PCDHGA2: variants seen among roughly 807,000 people sequenced by gnomAD.
The protein encoded by PCDHGA2 is protocadherin gamma-A2.
A neutral mutation model predicts 59.2 loss-of-function variants in PCDHGA2; 40 were observed. The ratio of observed to expected loss-of-function variants is 0.68; its 90% confidence interval spans 0.52 to 0.88. The LOEUF is 0.88. PCDHGA2 is among the 40% of genes least tolerant of loss of function. The pLI is 0.00. For synonymous variants in PCDHGA2, 560 were observed against 526.0 expected, an observed-to-expected ratio of 1.06 and a Z score of -0.89; for missense variants, 1,226 against 1,204.0, an observed-to-expected ratio of 1.02 and a Z score of -0.27.
At chr5:141,445,573 A>G (rs1311326050) in intron 1 of PCDHGA2, among the ~76,000 whole-genome samples, 1 of 152,248 alleles carries the variant, frequency 6.6e-6, no homozygotes, top group Admixed American at 6.5e-5. Flanking sequence ...AGCTTATAGT[A>G]GGGAAGCTTC....
At chr5:141,391,607 A>G (rs1436377162) in intron 1 of PCDHGA2, 1 of 152,212 alleles carries the variant, frequency 6.6e-6, no homozygotes, top group Non-Finnish European at 1.5e-5. Flanking sequence ...TTCAGATTTC[A>G]TGAGTGGTTT....
chr5:141,349,516 C>T (rs1758309028), intron 1 of PCDHGA2, among the ~76,000 whole-genome samples: 1 of 152,122 alleles, frequency 6.6e-6, no homozygotes, highest in African/African-American at 2.4e-5. Context: ...TCCTACTTAA[C>T]TGGAAAGATT....
Position 141,339,509 on chromosome 5 carries a change from C to T in PCDHGA2, c.538C>T (p.Leu180=). The change falls in exon 1 of 4, where the codon CTG becomes TTG. Residue 180 remains leucine (L), a synonymous_variant. Coordinates refer to ENST00000394576, the MANE Select transcript of PCDHGA2 (RefSeq NM_018915.4). ...ACTCAACCCAAATGACCACTTCTCC[C>T]TGGACGTGCGAAGGGGAGCTGATGG... The part of the protein sequence containing the change: ...YALNPNDHFS[L]DVRRGADGNK... 1 of 1,614,144 alleles carries T rather than the reference C, an allele frequency of 6.2e-7. No homozygotes were observed. Among genetic ancestry groups the T allele is most frequent in the Non-Finnish European group, 8.5e-7 (1 of 1,180,012 alleles).
intron 1 of PCDHGA2, among the ~76,000 whole-genome samples, chr5:141,420,737 A>G (rs1156969170): frequency 1.3e-5 from 2 of 152,244 alleles, no homozygotes; most frequent in Non-Finnish European, 2.9e-5. Flanking sequence ...GTTAAAATCA[A>G]TTGGAACCAA....
chr5:141,400,543 T>C (rs2094038969), intron 1 of PCDHGA2: 1 of 1,613,794 alleles, frequency 6.2e-7, no homozygotes. Flanking sequence ...CATTTATGTC[T>C]ATTCTTTTTC....
intron 1 of PCDHGA2, chr5:141,388,264 A>G (rs1054125491): frequency 1.3e-6 from 2 of 1,598,302 alleles, no homozygotes; most frequent in African/African-American, 2.9e-5. Context: ...GAGGACATTA[A>G]TGACCACACG....
At chr5:141,364,134 A>G (rs1204922950) in intron 1 of PCDHGA2, 1 of 488,948 alleles carries the variant, frequency 2.0e-6, no homozygotes, top group African/African-American at 2.0e-5. Flanking sequence ...GCTGTTGACC[A>G]AAGTGGGAAA....
rs755602367 is a variant in PCDHGA2, at chr5:141,415,231, G to A, written c.2424+73836G>A. ...GGACCTCGGCAGCTTCGAGTCTCCA[G>A]CTAACTCTGAAACCTCAGACCTCAC... On this transcript the variant is annotated intron_variant, in intron 1 of 3. Transcript: ENST00000394576. 2.1e-5 allele frequency: 34 copies of A among 1,614,042 alleles called. No homozygotes were observed. The South Asian group carries it at 3.2e-4, about 15-fold the overall frequency.
In PCDHGA2 at chr5:141,487,237, T is replaced by A. The variant is rs1327004790; in HGVS notation, c.2425-7570T>A. 1.2e-6 allele frequency: 2 copies of A among 1,614,122 alleles called. No individual in the cohort carries two copies. The highest frequency in any genetic ancestry group is 1.7e-6 in the Non-Finnish European group (2 of 1,179,980). On this transcript the variant is annotated intron_variant, in intron 1 of 3. Coordinates refer to ENST00000394576, the MANE Select transcript of PCDHGA2 (RefSeq NM_018915.4). This position sits in a 1 kb window ranked among gnomAD's most constrained non-coding sequence, Gnocchi z 5.0. ...CAGCTCCAAGGGAAGGAGAATCTCGTCTAACCCTCTACTTGGCTGTGTCCC... is the reference window on the plus strand; with the variant it reads ...CAGCTCCAAGGGAAGGAGAATCTCGACTAACCCTCTACTTGGCTGTGTCCC...
At chr5:141,409,878 C>T in intron 1 of PCDHGA2, 4 of 1,612,952 alleles carry the variant, frequency 2.5e-6, no homozygotes, top group Middle Eastern at 1.6e-4. Flanking sequence ...AATGACAACG[C>T]ACCGCGGGTG....
chr5:141,505,597 T>C, intron 3 of PCDHGA2, 116 bp downstream of exon 3: 1 of 1,558,330 alleles, frequency 6.4e-7, no homozygotes, highest in Non-Finnish European at 8.7e-7. Context: ...TCCAGATCTT[T>C]CGGCAGGTCT....
chr5:141,425,194 A>G (rs1464968527), intron 1 of PCDHGA2, among the ~76,000 whole-genome samples: 1 of 152,206 alleles, frequency 6.6e-6, no homozygotes, highest in Non-Finnish European at 1.5e-5. Context: ...CAAACTGAGA[A>G]AAATGATGTA....
At chr5:141,364,971 C>G in intron 1 of PCDHGA2, 3 of 1,613,916 alleles carry the variant, frequency 1.9e-6, no homozygotes, top group Non-Finnish European at 2.5e-6. Flanking sequence ...CTCCTCACAG[C>G]TTTAGATGGC....
At chr5:141,358,484 A>G (rs1299917904) in intron 1 of PCDHGA2, among the ~76,000 whole-genome samples, 2 of 152,206 alleles carry the variant, frequency 1.3e-5, no homozygotes, top group African/African-American at 4.8e-5. Context: ...TAACTTTTAG[A>G]TATAACTTTA....
chr5:141,355,404 C>T (rs751163192), intron 1 of PCDHGA2: 36 of 1,613,970 alleles, frequency 2.2e-5, no homozygotes, highest in Middle Eastern at 1.6e-4. Context: ...GCATCGTCTC[C>T]AGAGGTAGGA....
intron 1 of PCDHGA2, chr5:141,426,692 C>T: frequency 2.3e-6 from 1 of 435,472 alleles, no homozygotes; most frequent in Non-Finnish European, 4.7e-6. Flanking sequence ...CCCAAAATAG[C>T]ATTGTTTTAC....
chr5:141,345,126 G>T (rs1757523003), intron 1 of PCDHGA2: 1 of 1,614,002 alleles, frequency 6.2e-7, no homozygotes, highest in South Asian at 1.1e-5. Context: ...CGTTGGAAGA[G>T]AAATTGCTCT....
chr5:141,387,949 T>C lies in PCDHGA2; in HGVS notation c.2424+46554T>C, dbSNP rs1016295879. The C allele has an allele frequency of 1.6e-5, 24 of 1,491,992 alleles. No individual in the cohort carries two copies. Among genetic ancestry groups the C allele is most frequent in the Non-Finnish European group, 2.1e-5 (23 of 1,116,382 alleles). 92.4% of individuals were successfully genotyped at this position (1,491,992 alleles called of 1,614,324 possible). On this transcript the variant is annotated intron_variant, in intron 1 of 3. Transcript: ENST00000394576. ...CTGCCAGTGCTCTTTCTCTTCCTGC[T>C]GTCTTTGTTCTGCCCGGCGCTCTGT...
chr5:141,437,512 G>A (rs1201910374), intron 1 of PCDHGA2, among the ~76,000 whole-genome samples: 2 of 152,144 alleles, frequency 1.3e-5, no homozygotes, highest in African/African-American at 2.4e-5. Flanking sequence ...TGAATTATAA[G>A]GCTGATGACA....
Sources: gnomAD v4.1 joint callset for allele counts (sites outside exome capture counted in the v4.1 genomes callset) on GRCh38, gnomAD v4.1.1 for gene constraint, Gnocchi (gnomAD v3.1) non-coding constraint, MANE v1.5 for transcripts, NCBI Gene and HGNC (gene_info 2026-07-23, HGNC 2026-07-21) for gene names.